The following STAG3 variants were observed in gnomAD, a reference collection of about 807,000 sequenced individuals.
STAG3 encodes the protein cohesin subunit SA-3.
In STAG3, 101 loss-of-function variants were observed where a neutral mutation model predicts 160.7. That is an observed-to-expected ratio of 0.63 (90% confidence interval 0.54 to 0.74). The LOEUF (loss-of-function observed/expected upper bound fraction) is 0.74. Among genes scored for constraint, STAG3 ranks in the 30% least tolerant of loss-of-function variants. STAG3 has a pLI of 0.00. For synonymous variants in STAG3, 519 were observed against 585.0 expected (o/e 0.89, Z 1.63); for missense variants, 1,188 against 1,517.4 (o/e 0.78, Z 3.61).
chr7:100,213,978 G>C (rs765501209), intron 33 of STAG3, 29 bp from the exon 34 acceptor site: 4 of 1,614,190 alleles, frequency 2.5e-6, no homozygotes, highest in Admixed American at 1.7e-5. Flanking sequence ...GCTGTGTCCT[G>C]TGTATTCCTT....
At chr7:100,189,617 C>T (rs1352723189) in intron 8 of STAG3, 21 bp downstream of exon 8, 1 of 1,597,932 alleles carries the variant, frequency 6.3e-7, no homozygotes, top group East Asian at 2.2e-5. Flanking sequence ...TTCCCTGCTT[C>T]TTCCTTCCCT....
chr7:100,216,149 G>C (rs1282318822), downstream of STAG3, among the ~76,000 whole-genome samples: 1 of 152,104 alleles, frequency 6.6e-6, no homozygotes, highest in Admixed American at 6.6e-5. Flanking sequence ...CATCTTTTCT[G>C]TGCACTTTCC....
At chr7:100,186,141 A>G in intron 4 of STAG3, 59 bp from the exon 5 acceptor site, 2 of 1,339,192 alleles carry the variant, frequency 1.5e-6, no homozygotes, top group South Asian at 1.2e-5. Context: ...AAGATCATAT[A>G]GGATTTCTAT....
At position 100,189,616 on chromosome 7, in the gene STAG3, T is replaced by C; in HGVS notation, c.867+20T>C. The C allele has an allele frequency of 6.2e-7, 1 of 1,600,004 alleles. No individual in the cohort carries two copies. Among genetic ancestry groups the C allele is most frequent in the Non-Finnish European group, 8.5e-7 (1 of 1,174,526 alleles). ...AAAGAGGTGAGGAGTGTTCCCTGCT[T>C]CTTCCTTCCCTTTTTCCCAACTTGC... On this transcript the variant is annotated intron_variant, in intron 8 of 33. Transcript: ENST00000615138.
downstream of STAG3, among the ~76,000 whole-genome samples, chr7:100,215,560 G>C (rs553895584): frequency 6.6e-6 from 1 of 152,146 alleles, no homozygotes; most frequent in Admixed American, 6.5e-5. Flanking sequence ...AGATGTGGAG[G>C]TCTCTCAAAA....
intron 21 of STAG3, 157 bp from the exon 22 acceptor site, chr7:100,201,629 C>T (rs1801143218): frequency 7.3e-6 from 5 of 684,054 alleles, no homozygotes; most frequent in African/African-American, 5.4e-5. Flanking sequence ...CGTGTAGATG[C>T]CTCTGAAGAA....
At chr7:100,183,294 G>C (rs1198080212) in intron 4 of STAG3, among the ~76,000 whole-genome samples, 7 of 152,148 alleles carry the variant, frequency 4.6e-5, no homozygotes, top group Non-Finnish European at 8.8e-5. Flanking sequence ...GATTACAGGC[G>C]TGAGTCACTG....
At position 100,211,456 on chromosome 7, in the gene STAG3, C is replaced by A; in HGVS notation, c.3435C>A (p.Thr1145=). ...FAQGSQPVAG[T]ERSRFLGPQY... Reference sequence around the variant, plus strand: ...CCAGCAGTCAGCCCGTCGCAGGCACCGAGAGGTCAAGGTTCTTGGGTCCAC... The same window carrying A: ...CCAGCAGTCAGCCCGTCGCAGGCACAGAGAGGTCAAGGTTCTTGGGTCCAC... Residue 1145 remains threonine, a synonymous_variant, in exon 31 of 34, where the codon ACC becomes ACA. Transcript: ENST00000615138. 2 of 1,613,974 alleles carry A rather than the reference C, an allele frequency of 1.2e-6. No individual in the cohort carries two copies. Among genetic ancestry groups the A allele is most frequent in the Middle Eastern group, 3.3e-4 (2 of 6,060 alleles).
At chr7:100,189,305 G>A in intron 7 of STAG3, 140 bp from the exon 8 acceptor site, 1 of 977,484 alleles carries the variant, frequency 1.0e-6, no homozygotes, top group East Asian at 2.5e-5. Flanking sequence ...CTCCAGGACA[G>A]GCCGTCTTAG....
intron 8 of STAG3, among the ~76,000 whole-genome samples, chr7:100,190,198 A>G (rs1173423320): frequency 6.6e-6 from 1 of 152,228 alleles, no homozygotes; most frequent in Admixed American, 6.5e-5. Flanking sequence ...TTTTAAACTT[A>G]AAGATGACCA....
At position 100,195,311 on chromosome 7, in the gene STAG3, C is replaced by T. The variant is rs1225128480; in HGVS notation, c.870C>T (p.Leu290=). ...ACCCGTTTCTCCCTGTCCTCCAGCT[C>T]CAAGAGCATCAAGAGGAGATTGAGG... ...LESLLEKRKE[L]QEHQEEIEGM... The change falls in exon 9 of 34, where the codon CTC becomes CTT. Residue 290 remains leucine (L), a splice_region_variant and synonymous_variant. Transcript: ENST00000615138. 5 of 1,614,112 alleles carry T rather than the reference C, an allele frequency of 3.1e-6. No homozygotes were observed. The highest frequency in any genetic ancestry group is 1.7e-5 in the Admixed American group (1 of 60,024).
chr7:100,207,662 C>G lies in STAG3; in HGVS notation c.3238+2278C>G, dbSNP rs1261642361. ...CATTTTCTCCCATTTTTTGGGTTGT[C>G]TTTTCGTGTTATTGGTGGTGTCCTT... On this transcript the variant is annotated intron_variant, in intron 29 of 33. Coordinates refer to ENST00000615138, the MANE Select transcript of STAG3 (RefSeq NM_001282717.2). The surrounding 1 kb of genome is among the most constrained non-coding windows in gnomAD (Gnocchi z 4.0). 6.6e-6 allele frequency among the ~76,000 whole-genome samples: 1 copy of G among 152,096 alleles called. No homozygotes were observed. Among genetic ancestry groups the G allele is most frequent in the African/African-American group, 2.4e-5 (1 of 41,422 alleles).
rs1450412865 is a variant in STAG3, at chr7:100,200,181, C to G, written c.1678-55C>G. ...CATGGGGAGGAGGACTGCACACACC[C>G]CCTGCACCAGTGTTTCTTTACACCT... On this transcript the variant is annotated intron_variant, in intron 16 of 33. Transcript: ENST00000615138. 5.1e-6 allele frequency: 7 copies of G among 1,364,412 alleles called. No homozygotes were observed. In the African/African-American group the frequency reaches 8.6e-5, roughly 17 times the overall value. 84.5% of individuals were successfully genotyped at this position (1,364,412 alleles called of 1,614,324 possible).
intron 21 of STAG3, 147 bp downstream of exon 21, chr7:100,201,498 T>C: frequency 1.5e-6 from 1 of 683,390 alleles, no homozygotes; most frequent in Non-Finnish European, 2.5e-6. Flanking sequence ...ACCTCTTACA[T>C]TCCTCTCTTA....
At chr7:100,212,858 TG>T (rs2117567638) in intron 32 of STAG3, 1 of 152,304 alleles carries the variant, frequency 6.6e-6, no homozygotes, top group South Asian at 2.1e-4. Context: ...GAGTCCAGCC[TG>T]GGTAACATAG....
chr7:100,212,085 C>T (rs1053166439), intron 32 of STAG3: 2 of 508,610 alleles, frequency 3.9e-6, no homozygotes, highest in Non-Finnish European at 6.9e-6. Context: ...TTACAAATAC[C>T]AAAGAAGGTT....
intron 33 of STAG3, 61 bp from the exon 34 acceptor site, chr7:100,213,946 A>T: frequency 6.2e-7 from 1 of 1,613,700 alleles, no homozygotes; most frequent in Non-Finnish European, 8.5e-7. Context: ...CCAGGGGAGG[A>T]TGGTCTGCCC....
chr7:100,193,016 G>A (rs1417056183), intron 8 of STAG3, among the ~76,000 whole-genome samples: 1 of 152,220 alleles, frequency 6.6e-6, no homozygotes, highest in Non-Finnish European at 1.5e-5. Context: ...TTCATGGGCT[G>A]CAAAATGGAT....
chr7:100,202,721 G>A, intron 25 of STAG3, 131 bp downstream of exon 25: 1 of 1,170,702 alleles, frequency 8.5e-7, no homozygotes, highest in South Asian at 1.8e-5. Context: ...AGGAGGGAAA[G>A]GCACTGGGAG....
Sources: allele counts gnomAD v4.1 joint callset (sites outside exome capture counted in the v4.1 genomes callset), GRCh38; gene constraint gnomAD v4.1.1; non-coding constraint Gnocchi (gnomAD v3.1); transcripts MANE v1.5; gene names NCBI Gene and HGNC (gene_info 2026-07-23, HGNC 2026-07-21).